Variants in TEX11 observed in about 807,000 individuals in gnomAD.
The protein encoded by TEX11 is testis-expressed protein 11.
Under a neutral mutation model 84.4 loss-of-function variants are expected in TEX11, and 7 were observed. The ratio of observed to expected loss-of-function variants is 0.08; its 90% CI spans 0.05 to 0.16. The LOEUF is 0.16. Among genes scored for constraint, TEX11 ranks in the 10% least tolerant of loss-of-function variants. The pLI is 1.00. For missense variants in TEX11, 551 were observed against 660.5 expected, an observed-to-expected ratio of 0.83 and a Z score of 1.82; for synonymous variants, 264 against 222.8, an observed-to-expected ratio of 1.18 and a Z score of -1.64.
intron 11 of TEX11, 59 bp downstream of exon 11, chrX:70,740,642 A>C: frequency 1.2e-6 from 1 of 843,857 alleles, no homozygotes; most frequent in Non-Finnish European, 1.7e-6. Flanking sequence ...GGATTTCAAA[A>C]TGTGATCAAG....
intron 25 of TEX11, among the ~76,000 whole-genome samples, chrX:70,569,298 T>C (rs997928050): frequency 9.0e-6 from 1 of 111,664 alleles, no homozygotes; most frequent in African/African-American, 3.3e-5. Flanking sequence ...ATTCTAGTTA[T>C]ATATTCGTCT....
intron 13 of TEX11, among the ~76,000 whole-genome samples, chrX:70,705,530 G>A (rs1367819325): frequency 1.8e-4 from 20 of 111,293 alleles, no homozygotes; most frequent in East Asian, 8.4e-4. Flanking sequence ...GCAACCTACA[G>A]AATGGGAGAA....
Position 70,824,669 on chromosome X carries a change from T to TAGAG in TEX11, c.606+8840_606+8843dup, listed in dbSNP as rs202069571. 1.5e-3 allele frequency among the ~76,000 whole-genome samples: 160 copies of TAGAG among 108,548 alleles called. 1 individual carries two copies. In the East Asian group the frequency reaches 0.04, roughly 27 times the overall value. The allele number at this position is 108,548 out of a possible 115,157, so 94.3% of individuals were successfully genotyped here. On this transcript the variant is annotated intron_variant, in intron 8 of 29. Transcript: ENST00000374333. ...GAACCAGAAACTACCAAGAAGATCA[T>TAGAG]AGAGAGAGAGAGAGAGGAGCTCAGA...
intron 24 of TEX11, among the ~76,000 whole-genome samples, chrX:70,603,606 G>A (rs751038954): frequency 1.8e-5 from 2 of 111,264 alleles, no homozygotes; most frequent in African/African-American, 3.3e-5. Flanking sequence ...AACCCTAAAG[G>A]AAACCTAGGC....
At position 70,671,910 on chromosome X, in the gene TEX11, T is replaced by TAG. The variant is rs57166359; in HGVS notation, c.1243-1397_1243-1396insCT. Among the ~76,000 whole-genome samples, 17 of 67,975 alleles carry TAG rather than the reference T, an allele frequency of 2.5e-4. No individual in the cohort carries two copies. The Admixed American group carries it at 2.7e-3, about 11-fold the overall frequency. The allele number at this position is 67,975 out of a possible 115,157, so 59.0% of individuals were successfully genotyped here. A position where few individuals can be genotyped will look rare whatever the true frequency, so the allele number is the denominator to read the frequency against. ...ATATATATATATATATATATATATA[T>TAG]ACACACACACATAGCTAAAACCATC... On this transcript the variant is annotated intron_variant, in intron 15 of 29. Transcript: ENST00000374333.
At position 70,763,630 on chromosome X, in the gene TEX11, G is replaced by A. The variant is rs767260988; in HGVS notation, c.693-19411C>T. On this transcript the variant is annotated intron_variant, in intron 9 of 29. Coordinates refer to ENST00000374333, the MANE Select transcript of TEX11 (RefSeq NM_031276.3). ...AAAAATTAAAAAAAATAGTTATAGT[G>A]GTGGGTGGCAGAAATATCTCATGCC... Among the ~76,000 whole-genome samples, 6 of 110,627 alleles carry A rather than the reference G, an allele frequency of 5.4e-5. No homozygotes were observed. The East Asian group carries it at 1.7e-3, about 31-fold the overall frequency.
At chrX:70,672,235 C>T (rs1281652675) in intron 15 of TEX11, among the ~76,000 whole-genome samples, 4 of 110,498 alleles carry the variant, frequency 3.6e-5, no homozygotes, top group Non-Finnish European at 7.6e-5. Context: ...AAGGACATAC[C>T]AGTTTGTTTA....
At chrX:70,545,085 G>T (rs1436379135) in intron 28 of TEX11, among the ~76,000 whole-genome samples, 3 of 107,258 alleles carry the variant, frequency 2.8e-5, no homozygotes, top group Non-Finnish European at 5.8e-5. Context: ...TGCACCTATA[G>T]TCTCAGCTAT....
At chrX:70,617,819 T>C (rs768023907) in intron 20 of TEX11, among the ~76,000 whole-genome samples, 1 of 111,805 alleles carries the variant, frequency 8.9e-6, no homozygotes, top group African/African-American at 3.2e-5. Flanking sequence ...TATACATACA[T>C]GATCATGCTA....
intron 13 of TEX11, among the ~76,000 whole-genome samples, chrX:70,704,198 T>C (rs1216895827): frequency 9.1e-6 from 1 of 109,860 alleles, no homozygotes; most frequent in Admixed American, 9.8e-5. Context: ...AAAAGTTCCC[T>C]GAGGTCTCCC....
chrX:70,564,457 G>C (rs945532397), intron 25 of TEX11, among the ~76,000 whole-genome samples: 3 of 109,430 alleles, frequency 2.7e-5, no homozygotes, highest in Admixed American at 9.8e-5. Context: ...ACAATGTGCA[G>C]GTTAGTTACA....
At chrX:70,555,275 C>T (rs1465522729) in intron 25 of TEX11, among the ~76,000 whole-genome samples, 1 of 111,959 alleles carries the variant, frequency 8.9e-6, no homozygotes, top group Admixed American at 9.5e-5. Flanking sequence ...TTTCATTAGT[C>T]GACAGAATTT....
At chrX:70,767,371 A>G (rs2090947264) in intron 9 of TEX11, among the ~76,000 whole-genome samples, 1 of 112,119 alleles carries the variant, frequency 8.9e-6, no homozygotes, top group Non-Finnish European at 1.9e-5. Flanking sequence ...GCTCAACGTC[A>G]TTGATCATCA....
Position 70,712,497 on chromosome X carries a change from G to T in TEX11, c.1004+10121C>A, listed in dbSNP as rs188086451. The stretch of plus-strand genomic sequence containing the variant: ...GTGGTTTGTAGTTCTCCTTGAAGAG[G>T]TCCTTCATATCCCTTGAAAGTTGGA... On this transcript the variant is annotated intron_variant, in intron 13 of 29. Transcript: ENST00000374333. Among the ~76,000 whole-genome samples, 100 of 111,136 alleles carry T rather than the reference G, an allele frequency of 9.0e-4. 1 individual carries two copies. Among genetic ancestry groups the T allele is most frequent in the Admixed American group, 2.0e-3 (21 of 10,422 alleles).
the TEX11 span, among the ~76,000 whole-genome samples, chrX:70,520,799 G>A: frequency 6.3e-5 from 7 of 111,889 alleles, no homozygotes; most frequent in African/African-American, 1.6e-4. Flanking sequence ...CACCGAGTTC[G>A]AGCTTCCTGG....
chrX:70,752,902 A>C (rs2090839347), intron 9 of TEX11, among the ~76,000 whole-genome samples: 1 of 110,375 alleles, frequency 9.1e-6, no homozygotes, highest in African/African-American at 3.3e-5. Flanking sequence ...TGCTGGGGGA[A>C]GGAGAGCACA....
chrX:70,539,040 T>TATATATATATA (rs1447496117), intron 28 of TEX11, among the ~76,000 whole-genome samples: 5 of 9,576 alleles, frequency 5.2e-4, no homozygotes, highest in Non-Finnish European at 1.3e-3. Context: ...ATATATATAT[T>TATATATATATA]TTTTTTTTTT....
At chrX:70,695,727 A>T (rs1438043976) in intron 13 of TEX11, among the ~76,000 whole-genome samples, 1 of 111,948 alleles carries the variant, frequency 8.9e-6, no homozygotes, top group Non-Finnish European at 1.9e-5. Flanking sequence ...TAGAATTATC[A>T]TTATAAATTT....
intron 2 of TEX11, among the ~76,000 whole-genome samples, chrX:70,894,486 C>T (rs762963128): frequency 3.6e-5 from 4 of 110,091 alleles, no homozygotes; most frequent in Admixed American, 2.9e-4. Flanking sequence ...ATCAGCTAGG[C>T]GTGGTGGCGC....
Sources: allele counts gnomAD v4.1 joint callset (sites outside exome capture counted in the v4.1 genomes callset), GRCh38; gene constraint gnomAD v4.1.1; transcripts MANE v1.5; gene names NCBI Gene and HGNC (gene_info 2026-07-23, HGNC 2026-07-21).